Variants in MRPS31 observed in about 807,000 individuals in gnomAD.
MRPS31 encodes the protein small ribosomal subunit protein mS31.
MRPS31 carries 32 observed loss-of-function variants against 43.1 expected under a neutral mutation model. The ratio of observed to expected loss-of-function variants is 0.74; its 90% confidence interval spans 0.56 to 1.00. MRPS31 has a LOEUF of 1.00. Among genes scored for constraint, MRPS31 ranks in the 50% least tolerant of loss-of-function variants. The probability of loss-of-function intolerance (pLI) is 0.00; values close to 1 mark genes in which losing one functional copy is unlikely to be tolerated. For synonymous variants in MRPS31, 165 were observed against 161.6 expected (o/e 1.02, Z -0.16); for missense variants, 437 against 466.7 (o/e 0.94, Z 0.59).
intron 2 of MRPS31, among the ~76,000 whole-genome samples, chr13:40,760,044 T>C (rs1489963136): frequency 6.7e-6 from 1 of 148,448 alleles, no homozygotes; most frequent in African/African-American, 2.5e-5. Context: ...GGCTGAGACA[T>C]GAGAATCGTT....
chr13:40,752,018 C>T (rs1880403713), intron 5 of MRPS31, among the ~76,000 whole-genome samples: 2 of 151,748 alleles, frequency 1.3e-5, no homozygotes. Context: ...GCCCTGACAA[C>T]CAATTTCTTT....
At chr13:40,757,832 C>T (rs1467344426) in intron 3 of MRPS31, among the ~76,000 whole-genome samples, 1 of 149,316 alleles carries the variant, frequency 6.7e-6, no homozygotes, top group Non-Finnish European at 1.5e-5. Flanking sequence ...AATGCAACTT[C>T]AAACCCTGGA....
At chr13:40,759,323 G>A (rs541693321) in intron 2 of MRPS31, among the ~76,000 whole-genome samples, 4 of 152,128 alleles carry the variant, frequency 2.6e-5, no homozygotes, top group Admixed American at 6.5e-5. Flanking sequence ...TGTAAGTGCC[G>A]GCTACTCGGG....
intron 1 of MRPS31, among the ~76,000 whole-genome samples, chr13:40,769,219 T>C (rs947023589): frequency 4.6e-5 from 7 of 150,886 alleles, no homozygotes; most frequent in Non-Finnish European, 8.9e-5. Flanking sequence ...CTACTAAAAA[T>C]ACAAAAATTA....
chr13:40,754,667 A>G (rs1180893277), intron 4 of MRPS31, among the ~76,000 whole-genome samples: 2 of 152,222 alleles, frequency 1.3e-5, no homozygotes, highest in Non-Finnish European at 2.9e-5. Context: ...TTGATAATCA[A>G]CTGCTTTATG....
intron 5 of MRPS31, among the ~76,000 whole-genome samples, chr13:40,753,288 G>A (rs181405481): frequency 1.3e-5 from 2 of 152,272 alleles, no homozygotes; most frequent in Admixed American, 6.5e-5. Flanking sequence ...TGTAAATGCT[G>A]TCTCCTCTTC....
chr13:40,767,162 C>CA (rs1566112825), intron 1 of MRPS31, 129 bp from the exon 2 acceptor site: 1 of 544,916 alleles, frequency 1.8e-6, no homozygotes, highest in Non-Finnish European at 2.9e-6. Context: ...CTTTCCGTTG[C>CA]TTTTTTTTTT....
chr13:40,735,248 G>C lies in MRPS31; in HGVS notation c.959-5647C>G, dbSNP rs543235317. On this transcript the variant is annotated intron_variant, in intron 6 of 6. Transcript: ENST00000323563. ...AACGGGCTTAAAAAACGGCGCACCA[G>C]ATTATATCCCGCACCTGGCTCAGAG... 2.6e-5 allele frequency among the ~76,000 whole-genome samples: 4 copies of C among 152,330 alleles called. No individual in the cohort carries two copies. The East Asian group carries it at 5.8e-4, about 22-fold the overall frequency.
rs748878566 is a variant in MRPS31, at chr13:40,729,481, T to C, written c.1079A>G (p.Lys360Arg). The change falls in exon 7 of 7, where the codon AAA (lysine) becomes AGA (arginine). Residue 360 changes from lysine (K) to arginine (R), a missense_variant. Physicochemically the swap from Lys to Arg is conservative, Grantham distance 26. Transcript: ENST00000323563. ...CTGTTTAACACTAAGATATGGGTTTTTGGAAAGGCCACAAGTCACCAGCTC... is the reference window on the plus strand; with the variant it reads ...CTGTTTAACACTAAGATATGGGTTTCTGGAAAGGCCACAAGTCACCAGCTC... ...FMELVTCGLSKNPYLSVKQKV... is the reference protein window; with the variant it reads ...FMELVTCGLSRNPYLSVKQKV... 3 of 1,613,668 alleles carry C rather than the reference T, an allele frequency of 1.9e-6. No individual in the cohort carries two copies. Among genetic ancestry groups the C allele is most frequent in the East Asian group, 2.2e-5 (1 of 44,880 alleles).
At chr13:40,748,765 T>A (rs901611653) in intron 6 of MRPS31, among the ~76,000 whole-genome samples, 2 of 152,218 alleles carry the variant, frequency 1.3e-5, no homozygotes, top group Non-Finnish European at 2.9e-5. Flanking sequence ...TTTTAAGAGT[T>A]GTAATGTTCT....
chr13:40,744,092 T>C (rs2138001441), intron 6 of MRPS31, among the ~76,000 whole-genome samples: 1 of 152,250 alleles, frequency 6.6e-6, no homozygotes, highest in South Asian at 2.1e-4. Context: ...AGTGAATTAA[T>C]GCAGAAACAG....
intron 3 of MRPS31, among the ~76,000 whole-genome samples, chr13:40,758,726 G>GT (rs1298575484): frequency 3.3e-5 from 5 of 152,052 alleles, no homozygotes; most frequent in East Asian, 3.8e-4. Context: ...ACAAGAAACT[G>GT]TAACTTCCTA....
intron 6 of MRPS31, among the ~76,000 whole-genome samples, chr13:40,736,219 A>G (rs1879900441): frequency 6.6e-6 from 1 of 152,126 alleles, no homozygotes; most frequent in Non-Finnish European, 1.5e-5. Context: ...AGCAGGAAGG[A>G]AAGTTTAGAG....
intron 5 of MRPS31, among the ~76,000 whole-genome samples, chr13:40,753,472 G>A (rs1164321761): frequency 1.3e-5 from 2 of 152,188 alleles, no homozygotes; most frequent in Admixed American, 1.3e-4. Flanking sequence ...ACATTTCAAG[G>A]GGGAAGCCTG....
At chr13:40,733,802 C>A (rs1469767491) in intron 6 of MRPS31, among the ~76,000 whole-genome samples, 1 of 151,818 alleles carries the variant, frequency 6.6e-6, no homozygotes, top group African/African-American at 2.4e-5. Context: ...AAAACCCCGT[C>A]CCTAATAAAA....
chr13:40,730,414 A>G (rs898494873), intron 6 of MRPS31, among the ~76,000 whole-genome samples: 1 of 152,068 alleles, frequency 6.6e-6, no homozygotes, highest in African/African-American at 2.4e-5. Flanking sequence ...AATCCCAGCT[A>G]CTTGGGAGGC....
At chr13:40,759,305 C>T (rs149543552) in intron 2 of MRPS31, among the ~76,000 whole-genome samples, 199 bp from the exon 3 acceptor site, 4 of 152,100 alleles carry the variant, frequency 2.6e-5, no homozygotes, top group East Asian at 1.9e-4. Context: ...GGCGTGGTGG[C>T]GCACGCCTGT....
chr13:40,761,590 ATCTT>A (rs1880696475), intron 2 of MRPS31, among the ~76,000 whole-genome samples: 3 of 152,156 alleles, frequency 2.0e-5, no homozygotes, highest in Non-Finnish European at 4.4e-5. Flanking sequence ...ACATACAGGG[ATCTT>A]TCTTCATATA....
chr13:40,739,244 C>T (rs1399585182), intron 6 of MRPS31, among the ~76,000 whole-genome samples: 9 of 152,038 alleles, frequency 5.9e-5, no homozygotes, highest in African/African-American at 2.2e-4. Context: ...ATGTAAAGGA[C>T]CTCTTCAAGG....
Sources: allele counts gnomAD v4.1 joint callset (sites outside exome capture counted in the v4.1 genomes callset), GRCh38; gene constraint gnomAD v4.1.1; transcripts MANE v1.5; gene names NCBI Gene and HGNC (gene_info 2026-07-23, HGNC 2026-07-21).